Variants in SORCS1 observed in about 807,000 individuals in gnomAD.
SORCS1 encodes VPS10 domain-containing receptor SorCS1.
A neutral mutation model predicts 146.1 loss-of-function variants in SORCS1; 60 were observed. That is an observed-to-expected ratio of 0.41 (90% CI 0.33 to 0.51). The LOEUF (loss-of-function observed/expected upper bound fraction) is 0.51, where lower values mean the gene tolerates loss of function less well. Among genes scored for constraint, SORCS1 ranks in the 20% least tolerant of loss-of-function variants. SORCS1 has a pLI of 0.21. For missense variants in SORCS1, 1,352 were observed against 1,487.6 expected (o/e 0.91, Z 1.50); for synonymous variants, 637 against 584.0 (o/e 1.09, Z -1.31).
chr10:107,065,408 C>T (rs145434987), intron 1 of SORCS1, among the ~76,000 whole-genome samples: 2 of 87,198 alleles, frequency 2.3e-5, no homozygotes, highest in Admixed American at 2.3e-4. Context: ...TTTTCTTTCT[C>T]TCTTTCTTTT....
the SORCS1 span, among the ~76,000 whole-genome samples, chr10:107,176,372 C>G: frequency 1.3e-5 from 2 of 149,894 alleles, no homozygotes; most frequent in African/African-American, 2.5e-5. Context: ...TTCCTGTCGC[C>G]CAGGTTAGAG....
intron 1 of SORCS1, among the ~76,000 whole-genome samples, chr10:107,148,432 C>T (rs1968513069): frequency 6.6e-6 from 1 of 152,128 alleles, no homozygotes; most frequent in Non-Finnish European, 1.5e-5. Flanking sequence ...ATAATTTTCA[C>T]ATGTCATGAA....
At chr10:106,739,950 CAAA>C (rs1226313224) in intron 5 of SORCS1, among the ~76,000 whole-genome samples, 7 of 58,234 alleles carry the variant, frequency 1.2e-4, no homozygotes, top group Admixed American at 1.9e-4. Context: ...GACTCTGTCT[CAAA>C]AAAAAAAAAA....
intron 3 of SORCS1, among the ~76,000 whole-genome samples, chr10:106,792,650 T>C (rs1271180766): frequency 6.6e-6 from 1 of 152,216 alleles, no homozygotes; most frequent in Non-Finnish European, 1.5e-5. Flanking sequence ...AAGCAGGTCT[T>C]CGTAAGCACG....
chr10:106,643,039 T>C (rs1256539374), intron 18 of SORCS1, among the ~76,000 whole-genome samples: 3 of 152,196 alleles, frequency 2.0e-5, no homozygotes, highest in African/African-American at 7.2e-5. Context: ...AGGAGCTACA[T>C]GAAGTTCTTC....
At chr10:107,134,563 TG>T (rs1967122212) in intron 1 of SORCS1, among the ~76,000 whole-genome samples, 1 of 152,104 alleles carries the variant, frequency 6.6e-6, no homozygotes, top group Non-Finnish European at 1.5e-5. Flanking sequence ...GGCTTGAACC[TG>T]GGAGGCGGAG....
At position 107,150,826 on chromosome 10, in the gene SORCS1, G is replaced by T. The variant is rs183445621; in HGVS notation, c.558+13143C>A. Among the ~76,000 whole-genome samples, 417 of 152,334 alleles carry T rather than the reference G, an allele frequency of 2.7e-3. 1 individual carries two copies. The highest frequency in any genetic ancestry group is 4.8e-3 in the South Asian group (23 of 4,832). On this transcript the variant is annotated intron_variant, in intron 1 of 25. Coordinates refer to ENST00000263054, the MANE Select transcript of SORCS1 (RefSeq NM_052918.5). ...CTTCTCTCCCCTGCTGCCATGTGAA[G>T]AAGGAGGTGTTTGCATTCCCTTCAG...
chr10:106,732,510 T>C (rs1856669344), intron 5 of SORCS1, among the ~76,000 whole-genome samples: 1 of 152,212 alleles, frequency 6.6e-6, no homozygotes, highest in Non-Finnish European at 1.5e-5. Flanking sequence ...AACTGTTTTA[T>C]TTCAAAATGG....
At chr10:106,796,092 C>G (rs1346456229) in intron 3 of SORCS1, among the ~76,000 whole-genome samples, 1 of 152,106 alleles carries the variant, frequency 6.6e-6, no homozygotes, top group Non-Finnish European at 1.5e-5. Context: ...CATTTCTCAC[C>G]ATTAATTGAT....
chr10:106,959,381 G>T (rs1020112402), intron 1 of SORCS1, among the ~76,000 whole-genome samples: 1 of 152,140 alleles, frequency 6.6e-6, no homozygotes, highest in Non-Finnish European at 1.5e-5. Context: ...GTTTTCAATC[G>T]ATTATTTGAG....
chr10:106,864,470 C>A (rs574887679), intron 2 of SORCS1, among the ~76,000 whole-genome samples: 1 of 152,284 alleles, frequency 6.6e-6, no homozygotes, highest in East Asian at 1.9e-4. Context: ...GCAGAGCAGC[C>A]ACTCGAGCAC....
At chr10:106,738,718 G>T (rs534943395) in intron 5 of SORCS1, among the ~76,000 whole-genome samples, 1 of 152,212 alleles carries the variant, frequency 6.6e-6, no homozygotes, top group Non-Finnish European at 1.5e-5. Context: ...ATTGCTCAGC[G>T]CAGTGGCTCA....
At chr10:107,168,111 C>A (rs967926995), upstream of SORCS1, among the ~76,000 whole-genome samples, 1 of 152,218 alleles carries the variant, frequency 6.6e-6, no homozygotes, top group Middle Eastern at 3.2e-3. Context: ...CTACCCTCAT[C>A]CTAATACGCC....
intron 1 of SORCS1, 74 bp from the exon 2 acceptor site, chr10:106,956,654 G>C (rs552740032): frequency 7.8e-7 from 1 of 1,285,014 alleles, no homozygotes; most frequent in Admixed American, 1.9e-5. Context: ...GCCCAAGGGA[G>C]GGCTTAGGAT....
intron 2 of SORCS1, among the ~76,000 whole-genome samples, chr10:106,841,378 G>T (rs1949033061): frequency 6.6e-6 from 1 of 152,034 alleles, no homozygotes; most frequent in South Asian, 2.1e-4. Context: ...GCTGAGGTGG[G>T]AGAATTGCTT....
chr10:106,690,123 C>T (rs1369593769), intron 9 of SORCS1, among the ~76,000 whole-genome samples: 3 of 152,196 alleles, frequency 2.0e-5, no homozygotes, highest in African/African-American at 7.2e-5. Context: ...CTCACAACAG[C>T]AGTGTGTTAA....
intron 2 of SORCS1, among the ~76,000 whole-genome samples, chr10:106,911,110 A>G (rs1231629283): frequency 6.6e-6 from 1 of 152,254 alleles, no homozygotes; most frequent in Non-Finnish European, 1.5e-5. Flanking sequence ...GTAAAGATCA[A>G]GGAAGAAAAT....
In SORCS1 at chr10:106,763,929, C is replaced by G. The variant is rs4918252; in HGVS notation, c.886-2268G>C. ...AGATGTTGGAAATCCTATCCTTCTA[C>G]GTGTACGGGTGCCTCAAACACAGTA... On this transcript the variant is annotated intron_variant, in intron 4 of 25. Coordinates refer to ENST00000263054, the MANE Select transcript of SORCS1 (RefSeq NM_052918.5). 1.1e-4 allele frequency among the ~76,000 whole-genome samples: 16 copies of G among 152,120 alleles called. 1 individual carries two copies. In the South Asian group the frequency reaches 3.3e-3, roughly 32 times the overall value.
intron 24 of SORCS1, among the ~76,000 whole-genome samples, chr10:106,581,710 T>C (rs1185403766): frequency 1.3e-5 from 2 of 152,160 alleles, no homozygotes; most frequent in African/African-American, 4.8e-5. Flanking sequence ...CTCCAACCAC[T>C]GGATTATTTT....
Sources: allele counts gnomAD v4.1 joint callset (sites outside exome capture counted in the v4.1 genomes callset), GRCh38; gene constraint gnomAD v4.1.1; transcripts MANE v1.5; gene names NCBI Gene and HGNC (gene_info 2026-07-23, HGNC 2026-07-21).